SPTBN1: variants seen among roughly 807,000 people sequenced by gnomAD.
SPTBN1 encodes spectrin beta chain, non-erythrocytic 1.
A neutral mutation model predicts 266.4 loss-of-function variants in SPTBN1; 32 were observed. That is an observed-to-expected ratio of 0.12 (90% CI 0.09 to 0.16). The LOEUF (loss-of-function observed/expected upper bound fraction) is 0.16. SPTBN1 is among the 10% of genes least tolerant of loss of function. The pLI is 1.00. For synonymous variants in SPTBN1, 1,336 were observed against 1,162.2 expected (o/e 1.15, Z -3.04); for missense variants, 2,296 against 3,067.1 (o/e 0.75, Z 5.94).
At chr2:54,618,051 GT>G (rs780599975) in intron 6 of SPTBN1, 26 bp from the exon 7 acceptor site, 2 of 1,554,664 alleles carry the variant, frequency 1.3e-6, no homozygotes, top group East Asian at 2.3e-5. Flanking sequence ...CATGATTTTT[GT>G]TGTGTCCCAC....
intron 1 of SPTBN1, among the ~76,000 whole-genome samples, chr2:54,484,037 A>G (rs1668224656): frequency 6.6e-6 from 1 of 152,168 alleles, no homozygotes; most frequent in South Asian, 2.1e-4. Context: ...TCTGCAAAAA[A>G]TACAAAAATT....
chr2:54,653,637 G>T lies in SPTBN1; in HGVS notation c.5606G>T (p.Arg1869Leu). Residue 1869 changes from arginine to leucine, a missense_variant, in exon 27 of 36, where the codon CGC becomes CTC. Arg to Leu is a moderately radical substitution (Grantham distance 102). This residue lies in a region of SPTBN1 where 644 missense variants were observed against 745.3 expected (regional missense o/e 0.86). Transcript: ENST00000356805. This position sits in a 1 kb window ranked among gnomAD's most constrained non-coding sequence, Gnocchi z 5.1. ...QVRQLQEDAA[R>L]LQAAYAGDKA... is the part of the protein sequence containing the mutation. ...AGGCAGCTGCAGGAGGATGCAGCCC[G>T]CCTCCAGGCGGCCTATGCGGGTGAC... is the stretch of plus-strand genomic sequence containing the variant. The T allele has an allele frequency of 6.2e-7, 1 of 1,613,854 alleles. No individual in the cohort carries two copies. Among genetic ancestry groups the T allele is most frequent in the Non-Finnish European group, 8.5e-7 (1 of 1,179,962 alleles).
At chr2:54,633,786 G>A (rs893176155) in intron 17 of SPTBN1, among the ~76,000 whole-genome samples, 1 of 152,178 alleles carries the variant, frequency 6.6e-6, no homozygotes, top group African/African-American at 2.4e-5. Context: ...CCCTGGTCAG[G>A]TTGACTTAAA....
At chr2:54,621,327 GC>G (rs1314939980) in intron 7 of SPTBN1, 72 bp from the exon 8 acceptor site, 5 of 1,079,508 alleles carry the variant, frequency 4.6e-6, no homozygotes, top group Non-Finnish European at 4.2e-6. Context: ...AGCAGTCGTT[GC>G]ATTTGTTCCT....
At chr2:54,576,409 G>A (rs1448561269) in intron 2 of SPTBN1, among the ~76,000 whole-genome samples, 4 of 152,240 alleles carry the variant, frequency 2.6e-5, no homozygotes, top group South Asian at 4.2e-4. Context: ...AAGCTGGAAC[G>A]TTGATGTCAG....
At chr2:54,456,927 G>A (rs1399808387) in intron 1 of SPTBN1, among the ~76,000 whole-genome samples, 1 of 145,816 alleles carries the variant, frequency 6.9e-6, no homozygotes, top group African/African-American at 2.5e-5. Context: ...GGAGGTGGGT[G>A]CGGAGCGGAC....
chr2:54,495,329 G>A (rs1668910572), intron 1 of SPTBN1, among the ~76,000 whole-genome samples: 1 of 152,228 alleles, frequency 6.6e-6, no homozygotes, highest in South Asian at 2.1e-4. Context: ...GGAATCCCAG[G>A]TTCAGAGCTC....
In SPTBN1 at chr2:54,618,149, T is replaced by G; in HGVS notation, c.719T>G (p.Leu240Arg). The G allele has an allele frequency of 5.0e-6, 8 of 1,614,232 alleles. No individual in the cohort carries two copies. Among genetic ancestry groups the G allele is most frequent in the Non-Finnish European group, 6.8e-6 (8 of 1,180,030 alleles). Residue 240 changes from leucine to arginine, a missense_variant, in exon 7 of 36, where the codon CTG (leucine) becomes CGG (arginine). Physicochemically the swap from Leu to Arg is moderately radical, Grantham distance 102. This residue lies in a region of SPTBN1 where 178 missense variants were observed against 375.7 expected (regional missense o/e 0.47). Coordinates refer to ENST00000356805, the MANE Select transcript of SPTBN1 (RefSeq NM_003128.3). ...AHYNLQNAFN[L>R]AEQHLGLTKL... ...TACAACCTGCAGAATGCATTTAATC[T>G]GGCAGAACAGCACCTCGGCCTCACT...
rs1190163539 is a variant in SPTBN1, at chr2:54,629,313, G to A, written c.2179G>A (p.Ala727Thr). 1 of 1,614,064 alleles carries A rather than the reference G, an allele frequency of 6.2e-7. No individual in the cohort carries two copies. Among genetic ancestry groups the A allele is most frequent in the Admixed American group, 1.7e-5 (1 of 60,034 alleles). ...ERIIYIREQW[A>T]NLEQLSAIRK... ...GATCATTTACATCCGGGAGCAGTGGGCCAACCTAGAGCAGCTCTCGGCCAT... is the reference window on the plus strand; with the variant it reads ...GATCATTTACATCCGGGAGCAGTGGACCAACCTAGAGCAGCTCTCGGCCAT... Residue 727 changes from alanine (A) to threonine (T), a missense_variant, in exon 14 of 36, where the codon GCC (alanine) becomes ACC (threonine). This residue lies in a region of SPTBN1 where 434 missense variants were observed against 573.9 expected (regional missense o/e 0.76). Transcript: ENST00000356805.
chr2:54,632,161 G>GACT (rs1236184450), intron 16 of SPTBN1, among the ~76,000 whole-genome samples: 7 of 151,684 alleles, frequency 4.6e-5, no homozygotes, highest in African/African-American at 1.7e-4. Context: ...AAGGGTCAGG[G>GACT]ACTTCACCTG....
intron 2 of SPTBN1, among the ~76,000 whole-genome samples, chr2:54,571,562 C>T (rs1167843147): frequency 8.2e-5 from 6 of 73,022 alleles, no homozygotes; most frequent in African/African-American, 3.0e-4. Context: ...CACACACACA[C>T]ACACACACAC....
rs549534668 is a variant in SPTBN1 at position 54,668,873 on chromosome 2, G to T, written c.*304G>T. On this transcript the variant is annotated 3_prime_UTR_variant, in exon 36 of 36. Coordinates refer to ENST00000356805, the MANE Select transcript of SPTBN1 (RefSeq NM_003128.3). ...TGTGAGGCTGTGTTGGAAATAACCC[G>T]CCTCTAGTGCTGTTGGTATGCAAGG... 18 of 318,494 alleles carry T rather than the reference G, an allele frequency of 5.7e-5. No homozygotes were observed. Among genetic ancestry groups the T allele is most frequent in the Non-Finnish European group, 8.3e-5 (14 of 168,022 alleles). The allele number at this position is 318,494 out of a possible 1,614,324, so 19.7% of individuals were successfully genotyped here. A position where few individuals can be genotyped will look rare whatever the true frequency, so the allele number is the denominator to read the frequency against.
At chr2:54,665,686 C>A (rs1572786806) in intron 33 of SPTBN1, among the ~76,000 whole-genome samples, 1 of 152,160 alleles carries the variant, frequency 6.6e-6, no homozygotes, top group African/African-American at 2.4e-5. Flanking sequence ...AGACATAGTC[C>A]TCAAACACTT....
At chr2:54,475,572 C>T (rs1389037564) in intron 1 of SPTBN1, among the ~76,000 whole-genome samples, 1 of 152,078 alleles carries the variant, frequency 6.6e-6, no homozygotes, top group Non-Finnish European at 1.5e-5. Context: ...ATGGTAGAGC[C>T]TCCTGCTACC....
chr2:54,509,748 T>C (rs916959918), intron 1 of SPTBN1, among the ~76,000 whole-genome samples: 3 of 152,168 alleles, frequency 2.0e-5, no homozygotes, highest in Non-Finnish European at 4.4e-5. Flanking sequence ...TGCCACAGAC[T>C]GTATGGATTA....
At chr2:54,659,842 A>T in intron 31 of SPTBN1, 94 bp from the exon 32 acceptor site, 2 of 1,493,400 alleles carry the variant, frequency 1.3e-6, no homozygotes, top group South Asian at 2.7e-5. Context: ...GCACGTAATA[A>T]AATTGAGTGA....
At chr2:54,493,425 G>C (rs993023954) in intron 1 of SPTBN1, among the ~76,000 whole-genome samples, 14 of 138,884 alleles carry the variant, frequency 1.0e-4, no homozygotes, top group Admixed American at 8.2e-4. Context: ...GGGGTTGGGG[G>C]AGACAGTCTA....
intron 1 of SPTBN1, among the ~76,000 whole-genome samples, chr2:54,465,551 T>G (rs1693581574): frequency 6.6e-6 from 1 of 151,662 alleles, no homozygotes; most frequent in Non-Finnish European, 1.5e-5. Context: ...ATTTTAATAT[T>G]CTTCGTTTTT....
At chr2:54,520,331 A>G (rs1176876007) in intron 1 of SPTBN1, 1 of 152,204 alleles carries the variant, frequency 6.6e-6, no homozygotes, top group African/African-American at 2.4e-5. Context: ...AATACTTACA[A>G]AGCCTGGCAT....
Sources: gnomAD v4.1 joint callset for allele counts (sites outside exome capture counted in the v4.1 genomes callset) on GRCh38, gnomAD v4.1.1 for gene constraint, gnomAD v4.1.1 regional missense constraint, Gnocchi (gnomAD v3.1) non-coding constraint, MANE v1.5 for transcripts, NCBI Gene and HGNC (gene_info 2026-07-23, HGNC 2026-07-21) for gene names.